MAP4K4: variants seen among roughly 807,000 people sequenced by gnomAD.
MAP4K4 encodes mitogen-activated protein kinase kinase kinase kinase 4.
Under a neutral mutation model 189.6 loss-of-function variants are expected in MAP4K4, and 38 were observed. The ratio of observed to expected loss-of-function variants is 0.20; its 90% CI spans 0.15 to 0.26. The LOEUF (loss-of-function observed/expected upper bound fraction) is 0.26. Among genes scored for constraint, MAP4K4 ranks in the 10% least tolerant of loss-of-function variants. MAP4K4 has a pLI of 1.00. For missense variants in MAP4K4, 1,054 were observed against 1,726.9 expected (o/e 0.61, Z 6.91); for synonymous variants, 610 against 624.3 (o/e 0.98, Z 0.34).
intron 2 of MAP4K4, among the ~76,000 whole-genome samples, chr2:101,732,663 C>T (rs2149611762): frequency 6.6e-6 from 1 of 152,310 alleles, no homozygotes; most frequent in South Asian, 2.1e-4. Flanking sequence ...CATCTCGGCT[C>T]ACTGCAATCT....
At chr2:101,760,499 A>C (rs1295774469) in intron 2 of MAP4K4, among the ~76,000 whole-genome samples, 5 of 105,830 alleles carry the variant, frequency 4.7e-5, no homozygotes, top group Admixed American at 9.0e-5. Flanking sequence ...AAAAAAAAAA[A>C]CAAAATATAT....
intron 2 of MAP4K4, among the ~76,000 whole-genome samples, chr2:101,786,298 AG>A (rs2091216801): frequency 6.6e-6 from 1 of 151,994 alleles, no homozygotes; most frequent in Non-Finnish European, 1.5e-5. Context: ...TGGTTTTTCG[AG>A]TGTGAGGTGG....
intron 27 of MAP4K4, among the ~76,000 whole-genome samples, chr2:101,880,627 G>T (rs1455714770): frequency 6.6e-6 from 1 of 151,646 alleles, no homozygotes; most frequent in Non-Finnish European, 1.5e-5. Flanking sequence ...TCCTGCCTCA[G>T]CCTCCCGAGT....
At chr2:101,739,873 G>A (rs190227025) in intron 2 of MAP4K4, among the ~76,000 whole-genome samples, 241 of 152,176 alleles carry the variant, frequency 1.6e-3, no homozygotes, top group Non-Finnish European at 2.9e-3. Flanking sequence ...TAAATGAGAC[G>A]GACTTTATAA....
chr2:101,855,755 C>G (rs1449814044), intron 12 of MAP4K4, among the ~76,000 whole-genome samples: 1 of 152,020 alleles, frequency 6.6e-6, no homozygotes, highest in Admixed American at 6.6e-5. Flanking sequence ...GAAACTAAAC[C>G]CTATAAGGAT....
intron 2 of MAP4K4, among the ~76,000 whole-genome samples, chr2:101,709,564 C>T (rs1299272442): frequency 6.6e-6 from 1 of 152,160 alleles, no homozygotes; most frequent in Non-Finnish European, 1.5e-5. Context: ...ACAAACTATT[C>T]ACTATCAGCG....
intron 18 of MAP4K4, among the ~76,000 whole-genome samples, chr2:101,865,817 A>G (rs1166393716): frequency 6.6e-6 from 1 of 152,260 alleles, no homozygotes; most frequent in East Asian, 1.9e-4. Context: ...GATGGATGAT[A>G]GCCCAAAAGC....
At chr2:101,822,533 A>G (rs2096128035) in intron 3 of MAP4K4, among the ~76,000 whole-genome samples, 1 of 152,242 alleles carries the variant, frequency 6.6e-6, no homozygotes, top group African/African-American at 2.4e-5. Context: ...TATTTTAAAA[A>G]TTATTTTTCC....
exon 12 of MAP4K4, chr2:101,844,125 G>A (rs2097014622): frequency 6.2e-7 from 1 of 1,612,450 alleles, no homozygotes; most frequent in Non-Finnish European, 8.5e-7. Context: ...TGCCTGGTGA[G>A]TCTACTCTTC....
At chr2:101,862,653 C>T (rs1559235409) in intron 16 of MAP4K4, among the ~76,000 whole-genome samples, 1 of 152,202 alleles carries the variant, frequency 6.6e-6, no homozygotes, top group Non-Finnish European at 1.5e-5. Context: ...CCCATTTCCT[C>T]CTCCTGTTCA....
intron 2 of MAP4K4, among the ~76,000 whole-genome samples, chr2:101,789,373 A>G (rs1384277392): frequency 6.6e-6 from 1 of 152,118 alleles, no homozygotes; most frequent in Non-Finnish European, 1.5e-5. Context: ...GTTGTGCTTG[A>G]CCACTGACCA....
chr2:101,749,337 G>A (rs1553423772), intron 2 of MAP4K4, among the ~76,000 whole-genome samples: 1 of 151,516 alleles, frequency 6.6e-6, no homozygotes, highest in African/African-American at 2.4e-5. Flanking sequence ...ACAGAACAGA[G>A]CCCTCAGAAA....
chr2:101,883,806 C>A (rs775132204), intron 28 of MAP4K4, among the ~76,000 whole-genome samples: 13 of 152,034 alleles, frequency 8.6e-5, no homozygotes, highest in Admixed American at 7.2e-4. Context: ...TTTGTCTGCA[C>A]CCCTCAGCTC....
intron 12 of MAP4K4, 21 bp downstream of exon 12, chr2:101,844,332 A>C (rs1214637983): frequency 3.9e-6 from 6 of 1,549,380 alleles, no homozygotes; most frequent in Non-Finnish European, 5.2e-6. Context: ...GAAAATGTCC[A>C]AGTTGGTTGG....
At chr2:101,737,098 T>C (rs181529668) in intron 2 of MAP4K4, among the ~76,000 whole-genome samples, 24 of 152,290 alleles carry the variant, frequency 1.6e-4, no homozygotes, top group Admixed American at 1.2e-3. Flanking sequence ...ATAAACCTTC[T>C]AGTAAAATTT....
intron 2 of MAP4K4, among the ~76,000 whole-genome samples, chr2:101,722,104 C>T (rs1574239339): frequency 6.6e-6 from 1 of 152,118 alleles, no homozygotes; most frequent in Admixed American, 6.5e-5. Context: ...AGGCTCTCAG[C>T]TCTGGTACAT....
intron 15 of MAP4K4, 107 bp downstream of exon 15, chr2:101,859,971 T>C: frequency 8.9e-7 from 1 of 1,125,240 alleles, no homozygotes; most frequent in Non-Finnish European, 1.3e-6. Context: ...TTTAGCTAAT[T>C]ATCTGGTTTC....
chr2:101,752,933 G>A (rs767219383), intron 2 of MAP4K4, among the ~76,000 whole-genome samples: 2 of 152,180 alleles, frequency 1.3e-5, no homozygotes, highest in Non-Finnish European at 2.9e-5. Flanking sequence ...GGCAGTTCAC[G>A]CAGATAGTCA....
intron 2 of MAP4K4, among the ~76,000 whole-genome samples, chr2:101,723,381 AT>A (rs1303061062): frequency 6.6e-6 from 1 of 152,214 alleles, no homozygotes; most frequent in Non-Finnish European, 1.5e-5. Flanking sequence ...GTTGCTGAAG[AT>A]GTTTAGATGC....
Sources: allele counts gnomAD v4.1 joint callset (sites outside exome capture counted in the v4.1 genomes callset), GRCh38; gene constraint gnomAD v4.1.1; transcripts MANE v1.5; gene names NCBI Gene and HGNC (gene_info 2026-07-23, HGNC 2026-07-21).